NUSAP1: variants seen among roughly 807,000 people sequenced by gnomAD.
NUSAP1 encodes nucleolar and spindle-associated protein 1.
In NUSAP1, 32 loss-of-function variants were observed where a neutral mutation model predicts 52.8. That is an observed-to-expected ratio of 0.61 (90% CI 0.46 to 0.81). The LOEUF (loss-of-function observed/expected upper bound fraction) is 0.81, where lower values mean the gene tolerates loss of function less well. Ranked by LOEUF, NUSAP1 falls within the 40% of genes least tolerant of loss-of-function variation. The probability of loss-of-function intolerance (pLI) is 0.00; values close to 1 mark genes in which losing one functional copy is unlikely to be tolerated. For synonymous variants in NUSAP1, 195 were observed against 183.1 expected, an observed-to-expected ratio of 1.06 and a Z score of -0.52; for missense variants, 499 against 522.3, an observed-to-expected ratio of 0.96 and a Z score of 0.43.
intron 1 of NUSAP1, among the ~76,000 whole-genome samples, chr15:41,338,540 C>G (rs750991923): frequency 6.6e-6 from 1 of 152,192 alleles, no homozygotes; most frequent in African/African-American, 2.4e-5. Flanking sequence ...CCACAGCACT[C>G]TCATCTCCTG....
rs994389496 is a variant in NUSAP1, at chr15:41,348,952, G to A, written c.163-146G>A. 38 of 751,378 alleles carry A rather than the reference G, an allele frequency of 5.1e-5. No individual in the cohort carries two copies. In the South Asian group the frequency reaches 6.2e-4, roughly 12 times the overall value. 46.5% of individuals were successfully genotyped at this position (751,378 alleles called of 1,614,324 possible). ...CTGGCCTAAATACTCTATAATTCTT[G>A]TCTTTGCCTACAATTTACCGCTAGA... is the stretch of plus-strand genomic sequence containing the variant. On this transcript the variant is annotated intron_variant, in intron 2 of 10. Coordinates refer to ENST00000559596, the MANE Select transcript of NUSAP1 (RefSeq NM_016359.5).
At chr15:41,346,804 G>A (rs945149682) in intron 2 of NUSAP1, among the ~76,000 whole-genome samples, 2 of 150,222 alleles carry the variant, frequency 1.3e-5, no homozygotes, top group Admixed American at 1.3e-4. Flanking sequence ...TCCATCCTGG[G>A]CAACAGAGCC....
intron 10 of NUSAP1, among the ~76,000 whole-genome samples, chr15:41,379,004 A>AGT (rs1446404172): frequency 2.6e-5 from 3 of 113,260 alleles, no homozygotes; most frequent in Non-Finnish European, 4.9e-5. Flanking sequence ...CCCAGGCTAG[A>AGT]GTGTGGTGGT....
intron 10 of NUSAP1, among the ~76,000 whole-genome samples, chr15:41,379,233 C>T (rs1027442787): frequency 4.6e-5 from 7 of 151,550 alleles, no homozygotes; most frequent in South Asian, 2.1e-4. Context: ...GGATTACAGG[C>T]GTGAGCTACC....
chr15:41,335,242 T>G (rs992961511), intron 1 of NUSAP1, among the ~76,000 whole-genome samples: 1 of 145,710 alleles, frequency 6.9e-6, no homozygotes, highest in Non-Finnish European at 1.5e-5. Context: ...ATTATGCTAA[T>G]AAAATTTATA....
chr15:41,371,756 T>A, intron 8 of NUSAP1, 72 bp downstream of exon 8: 14 of 1,487,786 alleles, frequency 9.4e-6, no homozygotes, highest in Admixed American at 5.4e-5. Flanking sequence ...TGATTAGGTA[T>A]ATCTGTTTTT....
At chr15:41,342,260 A>T in intron 1 of NUSAP1, 126 bp from the exon 2 acceptor site, 1 of 652,214 alleles carries the variant, frequency 1.5e-6, no homozygotes, top group South Asian at 1.8e-5. Context: ...ATTCTTTCTA[A>T]GTAATGGTTC....
At position 41,365,529 on chromosome 15, in the gene NUSAP1, C is replaced by T. The variant is rs762220609; in HGVS notation, c.788C>T (p.Thr263Ile). The T allele has an allele frequency of 4.3e-6, 7 of 1,612,842 alleles. No homozygotes were observed. Among genetic ancestry groups the T allele is most frequent in the Admixed American group, 1.7e-5 (1 of 59,792 alleles). The change falls in exon 7 of 11, where the codon ACC becomes ATC. Residue 263 changes from threonine to isoleucine, a missense_variant. By Grantham distance (89) the Thr-to-Ile change is moderately conservative. Coordinates refer to ENST00000559596, the MANE Select transcript of NUSAP1 (RefSeq NM_016359.5). The part of the protein sequence containing the change: ...GRSCGPASQS[T>I]LGLKGSLKRS... Reference sequence around the variant, plus strand: ...TCTTGTGGCCCTGCAAGTCAGAGTACCTTGGGTCTGAAGGGGTCACTCAAG... The same window carrying T: ...TCTTGTGGCCCTGCAAGTCAGAGTATCTTGGGTCTGAAGGGGTCACTCAAG...
At chr15:41,378,944 G>GTTTTGTTTTTTTTTTTTTTTTTTTT (rs2050092060) in intron 10 of NUSAP1, among the ~76,000 whole-genome samples, 2 of 63,270 alleles carry the variant, frequency 3.2e-5, no homozygotes, top group African/African-American at 7.0e-5. Flanking sequence ...ACTTATCTTG[G>GTTTTGTTTTTTTTTTTTTTTTTTTT]TTTTTTTTTT....
intron 6 of NUSAP1, among the ~76,000 whole-genome samples, chr15:41,361,771 A>G (rs1220861777): frequency 6.6e-6 from 1 of 152,198 alleles, no homozygotes; most frequent in Non-Finnish European, 1.5e-5. Flanking sequence ...TAGTTCTAAA[A>G]TAACACTGTT....
At chr15:41,353,768 A>AT (rs1294113942) in intron 4 of NUSAP1, among the ~76,000 whole-genome samples, 2 of 152,216 alleles carry the variant, frequency 1.3e-5, no homozygotes, top group African/African-American at 4.8e-5. Flanking sequence ...GCTCTATAGC[A>AT]TATTATACGG....
At chr15:41,342,925 A>G (rs1038558808) in intron 2 of NUSAP1, among the ~76,000 whole-genome samples, 7 of 152,198 alleles carry the variant, frequency 4.6e-5, no homozygotes, top group African/African-American at 1.2e-4. Flanking sequence ...CAGATTAACT[A>G]TCTGCTGTTG....
chr15:41,359,322 T>G (rs2140711593), intron 6 of NUSAP1, among the ~76,000 whole-genome samples: 1 of 152,292 alleles, frequency 6.6e-6, no homozygotes, highest in East Asian at 1.9e-4. Flanking sequence ...TTACATAACT[T>G]CCCTATTTCT....
chr15:41,348,982 T>A, intron 2 of NUSAP1, 116 bp from the exon 3 acceptor site: 1 of 1,039,200 alleles, frequency 9.6e-7, no homozygotes. Flanking sequence ...GCTAGAGAGT[T>A]TTAAATTTTT....
At chr15:41,337,938 T>C (rs963550390) in intron 1 of NUSAP1, among the ~76,000 whole-genome samples, 19 of 142,224 alleles carry the variant, frequency 1.3e-4, no homozygotes, top group Middle Eastern at 3.5e-3. Context: ...TTTCTTTTTT[T>C]TTTTTTTTTT....
chr15:41,336,806 C>G (rs72739627), intron 1 of NUSAP1, among the ~76,000 whole-genome samples: 398 of 151,276 alleles, frequency 2.6e-3, no homozygotes, highest in Non-Finnish European at 4.2e-3. Context: ...GCCACCACAC[C>G]TGGCCCATTT....
At chr15:41,367,751 C>T (rs2049479442) in intron 7 of NUSAP1, among the ~76,000 whole-genome samples, 1 of 152,138 alleles carries the variant, frequency 6.6e-6, no homozygotes, top group Non-Finnish European at 1.5e-5. Flanking sequence ...TGGGGATCTT[C>T]AGTTTAGTGT....
In NUSAP1 at chr15:41,371,631, A is replaced by G; in HGVS notation, c.953A>G (p.Glu318Gly). 3 of 1,609,912 alleles carry G rather than the reference A, an allele frequency of 1.9e-6. No homozygotes were observed. The highest frequency in any genetic ancestry group is 2.5e-6 in the Non-Finnish European group (3 of 1,178,726). Residue 318 changes from glutamate (E) to glycine (G), a missense_variant, in exon 8 of 11, where the codon GAG (glutamate) becomes GGG (glycine). Glu to Gly is a moderately conservative substitution (Grantham distance 98). Transcript: ENST00000559596. ...VTVSGGTPKG[E>G]AVLGTHKLKT... ...GTGTCTGGGGGCACCCCAAAAGGCG[A>G]GGCTGTGCTTGGGACACACAAATTA... is the stretch of plus-strand genomic sequence containing the variant.
chr15:41,357,316 C>G (rs779743699), intron 5 of NUSAP1, among the ~76,000 whole-genome samples: 1 of 151,814 alleles, frequency 6.6e-6, no homozygotes, highest in Non-Finnish European at 1.5e-5. Context: ...TGCAGTGAGC[C>G]AAGATCATGC....
Sources: allele counts gnomAD v4.1 joint callset (sites outside exome capture counted in the v4.1 genomes callset), GRCh38; gene constraint gnomAD v4.1.1; transcripts MANE v1.5; gene names NCBI Gene and HGNC (gene_info 2026-07-23, HGNC 2026-07-21).